HECTD3: variants seen among roughly 807,000 people sequenced by gnomAD.
HECTD3 encodes HECT domain E3 ubiquitin protein ligase 3.
A neutral mutation model predicts 109.3 loss-of-function variants in HECTD3; 72 were observed. The observed-to-expected ratio is 0.66, with a 90% CI of 0.54 to 0.80. HECTD3 has a LOEUF of 0.80. Ranked by LOEUF, HECTD3 falls within the 30% of genes least tolerant of loss-of-function variation. HECTD3 has a pLI of 0.00. For missense variants in HECTD3, 1,041 were observed against 1,165.2 expected (o/e 0.89, Z 1.55); for synonymous variants, 481 against 471.8 (o/e 1.02, Z -0.25).
In HECTD3 at chr1:45,003,501, C is replaced by T. The variant is rs760857650; in HGVS notation, c.2577G>A (p.Trp859Ter). The T allele has an allele frequency of 3.7e-6, 6 of 1,614,160 alleles. No individual in the cohort carries two copies. The change falls in exon 21 of 21, where the codon TGG becomes TGA. Residue 859 changes from tryptophan to a stop codon, truncating the protein, a stop_gained. Transcript: ENST00000372172. LOFTEE classifies it high-confidence loss of function. The surrounding 1 kb of genome is among the most constrained non-coding windows in gnomAD (Gnocchi z 4.7). ...CVAIDTDMSPWEE is the reference protein window; with the variant it reads ...CVAIDTDMSP ...CAGCCGGCGGCACGCCTCACTCCTC[C>T]CAAGGGCTCATGTCAGTGTCGATGG...
At position 45,010,256 on chromosome 1, in the gene HECTD3, G is replaced by A. The variant is rs41269099; in HGVS notation, c.568C>T (p.Leu190=). The change falls in exon 3 of 21, where the codon CTG becomes TTG. Residue 190 remains leucine, a synonymous_variant. Coordinates refer to ENST00000372172, the MANE Select transcript of HECTD3 (RefSeq NM_024602.6). ...TCTGCCGGCTGAGGTCTCGATCCCA[G>A]GCGATGTGAGTATGTCAGGTCCACC... The part of the protein sequence containing the change: ...QVVDLTYSHR[L]GSRPQPAEAY... 7,051 of 1,613,986 alleles carry A rather than the reference G, an allele frequency of 4.4e-3. 29 individuals are homozygous for A. Among genetic ancestry groups the A allele is most frequent in the Non-Finnish European group, 5.7e-3 (6,780 of 1,179,988 alleles).
At position 45,008,563 on chromosome 1, in the gene HECTD3, A is replaced by G. The variant is rs568046152; in HGVS notation, c.1211T>C (p.Leu404Pro). 3.1e-6 allele frequency: 5 copies of G among 1,613,994 alleles called. No individual in the cohort carries two copies. The highest frequency in any genetic ancestry group is 3.4e-6 in the Non-Finnish European group (4 of 1,179,918). The change falls in exon 8 of 21, where the codon CTG becomes CCG. Residue 404 changes from leucine (L) to proline (P), a missense_variant. Coordinates refer to ENST00000372172, the MANE Select transcript of HECTD3 (RefSeq NM_024602.6). ...PRLEGTDPEV[L>P]YRRAVLLQRF... The stretch of plus-strand genomic sequence containing the variant: ...CTGCAGGAGGACAGCTCTGCGGTAC[A>G]GTACTTCAGGGTCGGTGCCTTCTAG...
At position 45,005,979 on chromosome 1, in the gene HECTD3, G is replaced by T; in HGVS notation, c.1845+18C>A. 1 of 1,612,522 alleles carries T rather than the reference G, an allele frequency of 6.2e-7. No individual in the cohort carries two copies. The highest frequency in any genetic ancestry group is 8.5e-7 in the Non-Finnish European group (1 of 1,178,786). ...GGGCCAGGGCTGATCGGACGGGGGT[G>T]TGGATAAGGCTACTCACCAGGAACT... On this transcript the variant is annotated intron_variant, in intron 14 of 20. Transcript: ENST00000372172.
rs1644738950 is a variant in HECTD3 at position 45,006,694 on chromosome 1, G to A, written c.1723C>T (p.Gln575Ter). Residue 575 changes from glutamine (Q) to a stop codon, truncating the protein, a stop_gained and splice_region_variant, in exon 13 of 21, where the codon CAG becomes TAG. Coordinates refer to ENST00000372172, the MANE Select transcript of HECTD3 (RefSeq NM_024602.6). LOFTEE classifies it high-confidence loss of function. The surrounding 1 kb of genome is among the most constrained non-coding windows in gnomAD (Gnocchi z 4.7). ...PLPFFVRTANQGNGTGEARDM... is the reference protein window; with the variant it reads ...PLPFFVRTAN ...GCAGAGATGGAAACGGAGATTACCT[G>A]GTTGGCTGTGCGTACAAAGAAGGGC... is the stretch of plus-strand genomic sequence containing the variant. The A allele has an allele frequency of 3.7e-6, 6 of 1,610,810 alleles. No individual in the cohort carries two copies. Among genetic ancestry groups the A allele is most frequent in the Admixed American group, 1.7e-5 (1 of 59,580 alleles).
In HECTD3 at chr1:45,007,587, C is replaced by T; in HGVS notation, c.1329G>A (p.Lys443=). The T allele has an allele frequency of 1.2e-6, 2 of 1,609,298 alleles. No homozygotes were observed. Among genetic ancestry groups the T allele is most frequent in the Non-Finnish European group, 1.7e-6 (2 of 1,179,832 alleles). ...LGTFSEIKQV[K]QFLLLSRQRP... is the part of the protein sequence containing the mutation. ...GCTGGCGGGACAGCAGTAGGAACTG[C>T]TTCACTTGCTAGTGAGGAGAGGTGG... The change falls in exon 10 of 21, where the codon AAG becomes AAA. Residue 443 remains lysine (K), a synonymous_variant. Transcript: ENST00000372172.
At chr1:45,007,138 GT>G in intron 11 of HECTD3, 80 bp downstream of exon 11, 1 of 1,303,726 alleles carries the variant, frequency 7.7e-7, no homozygotes, top group Non-Finnish European at 1.1e-6. Context: ...GTGTGTGTGT[GT>G]GTGTGTGTGT....
In HECTD3 at chr1:45,004,105, A is replaced by G. The variant is rs201781168; in HGVS notation, c.2302T>C (p.Ser768Pro). The G allele has an allele frequency of 1.9e-6, 3 of 1,614,048 alleles. No individual in the cohort carries two copies. In the South Asian group the frequency reaches 3.3e-5, roughly 18 times the overall value. The change falls in exon 18 of 21, where the codon TCG becomes CCG. Residue 768 changes from serine (S) to proline (P), a missense_variant. Around this residue, in one of 2 missense-constraint regions of HECTD3, gnomAD observed 569 missense variants for 715.3 expected, o/e 0.80. Transcript: ENST00000372172. ...TRFEDFEPSD[S>P]RVQYFWEALN... ...GCCTCCCAGAAATACTGCACCCGCG[A>G]GTCAGATGGCTCGAAGTCCTCAAAC... is the stretch of plus-strand genomic sequence containing the variant.
intron 15 of HECTD3, chr1:45,005,234 TAAG>T (rs1644724279): frequency 4.0e-6 from 1 of 251,884 alleles, no homozygotes; most frequent in African/African-American, 2.2e-5. Context: ...TGAGTTTAAA[TAAG>T]GAGAGTGAAA....
chr1:45,005,358 G>A (rs527454018), intron 15 of HECTD3: 164 of 196,952 alleles, frequency 8.3e-4, no homozygotes, highest in African/African-American at 3.5e-3. Context: ...CAGGCAGGGA[G>A]ACAGTAGTGA....
Position 45,003,447 on chromosome 1 carries a change from G to C in HECTD3, c.*45C>G, listed in dbSNP as rs78731459. ...GTGTCTTCGCCCTGGGCAAGGCCAA[G>C]AGGGACACGTGCAGTCTTGCTGGTC... On this transcript the variant is annotated 3_prime_UTR_variant, in exon 21 of 21. Transcript: ENST00000372172. The surrounding 1 kb of genome is among the most constrained non-coding windows in gnomAD (Gnocchi z 4.7). 2 of 1,569,814 alleles carry C rather than the reference G, an allele frequency of 1.3e-6. No homozygotes were observed. Among genetic ancestry groups the C allele is most frequent in the Non-Finnish European group, 1.8e-6 (2 of 1,140,420 alleles).
chr1:45,009,556 G>C lies in HECTD3; in HGVS notation c.875+12C>G. ...TAGCCCACCCACCCTGTCCTGCCCA[G>C]AGCCTACTTACTTGACAATGGTGCC... is the stretch of plus-strand genomic sequence containing the variant. On this transcript the variant is annotated intron_variant, in intron 5 of 20. Coordinates refer to ENST00000372172, the MANE Select transcript of HECTD3 (RefSeq NM_024602.6). 2 of 1,610,838 alleles carry C rather than the reference G, an allele frequency of 1.2e-6. No individual in the cohort carries two copies. The highest frequency in any genetic ancestry group is 1.7e-6 in the Non-Finnish European group (2 of 1,177,238).
chr1:45,005,722 A>T (rs1417868290), intron 15 of HECTD3, 72 bp downstream of exon 15: 1 of 1,214,982 alleles, frequency 8.2e-7, no homozygotes, highest in Non-Finnish European at 1.2e-6. Context: ...AGAACAAGGT[A>T]CAGAACAGCC....
In HECTD3 at chr1:45,009,231, G is replaced by T; in HGVS notation, c.990-5C>A. On this transcript the variant is annotated splice_region_variant and splice_polypyrimidine_tract_variant and intron_variant, in intron 6 of 20. Coordinates refer to ENST00000372172, the MANE Select transcript of HECTD3 (RefSeq NM_024602.6). The stretch of plus-strand genomic sequence containing the variant: ...CAGACATCCCCGATGAGGGTCCTGA[G>T]GAGATGAGTGTGAAGCACTTCAGAT... 1.2e-6 allele frequency: 2 copies of T among 1,611,802 alleles called. No homozygotes were observed. The highest frequency in any genetic ancestry group is 2.2e-5 in the South Asian group (2 of 91,038).
At position 45,004,722 on chromosome 1, in the gene HECTD3, G is replaced by C. The variant is rs1644720119; in HGVS notation, c.2020C>G (p.Leu674Val). The change falls in exon 16 of 21, where the codon CTG (leucine) becomes GTG (valine). Residue 674 changes from leucine to valine, a missense_variant. Coordinates refer to ENST00000372172, the MANE Select transcript of HECTD3 (RefSeq NM_024602.6). ...AGCTCCACCACCTGTTGGTCACTCA[G>C]TACAGTGGTGAATGTTAGTTCCTTC... ...FGKELTFTTV[L>V]SDQQVVELIP... The C allele has an allele frequency of 1.9e-6, 3 of 1,614,032 alleles. No homozygotes were observed. Among genetic ancestry groups the C allele is most frequent in the African/African-American group, 1.3e-5 (1 of 74,906 alleles).
chr1:45,004,837 C>A, intron 15 of HECTD3, 31 bp from the exon 16 acceptor site: 2 of 1,588,092 alleles, frequency 1.3e-6, no homozygotes, highest in Non-Finnish European at 1.7e-6. Context: ...GGGAGGTAAC[C>A]TTTTCACTGT....
chr1:45,010,992 AG>A lies in HECTD3; in HGVS notation c.265del (p.Leu89SerfsTer31). On this transcript the variant is annotated frameshift_variant, in exon 1 of 21. Transcript: ENST00000372172. LOFTEE classifies it high-confidence loss of function. ...CTCAATGCTGTCGCGGGCGGCGCGGAGGGGCCCGGAGCCGGTACCGGGGGCT... is the reference window on the plus strand; with the variant it reads ...CTCAATGCTGTCGCGGGCGGCGCGGAGGGCCCGGAGCCGGTACCGGGGGCT... ...GPAPGTGSGP[L>X]RAARDSIELR... 1 of 1,476,698 alleles carries A rather than the reference AG, an allele frequency of 6.8e-7. No individual in the cohort carries two copies. The highest frequency in any genetic ancestry group is 8.9e-7 in the Non-Finnish European group (1 of 1,127,264). The allele number at this position is 1,476,698 out of a possible 1,614,324, so 91.5% of individuals were successfully genotyped here.
Position 45,002,845 on chromosome 1 carries a change from T to C in HECTD3, c.*647A>G, listed in dbSNP as rs958830076. On this transcript the variant is annotated 3_prime_UTR_variant, in exon 21 of 21. Transcript: ENST00000372172. ...TCGTGGTAGTAGAGTTCACATTGAG[T>C]GGATGTGGGTTCTGAGTCAGGGAAG... is the stretch of plus-strand genomic sequence containing the variant. 2.6e-5 allele frequency: 4 copies of C among 153,796 alleles called. No individual in the cohort carries two copies. The highest frequency in any genetic ancestry group is 4.3e-5 in the Non-Finnish European group (3 of 69,138). The allele number at this position is 153,796 out of a possible 1,614,324, so 9.5% of individuals were successfully genotyped here.
At chr1:45,009,784 G>A (rs1375326525) in intron 4 of HECTD3, 101 bp from the exon 5 acceptor site, 1 of 1,111,130 alleles carries the variant, frequency 9.0e-7, no homozygotes, top group Non-Finnish European at 1.3e-6. Context: ...TAGTGAAGTT[G>A]GGCTAACAGG....
At chr1:45,010,432 C>G in intron 2 of HECTD3, 114 bp downstream of exon 2, 1 of 1,506,690 alleles carries the variant, frequency 6.6e-7, no homozygotes. Context: ...CCTTTCTGCT[C>G]TTAACCCTGC....
Sources: gnomAD v4.1 joint callset for allele counts on GRCh38, gnomAD v4.1.1 for gene constraint, gnomAD v4.1.1 regional missense constraint, Gnocchi (gnomAD v3.1) non-coding constraint, MANE v1.5 for transcripts, NCBI Gene and HGNC (gene_info 2026-07-23, HGNC 2026-07-21) for gene names.